Variants in MYH7 observed in about 807,000 individuals in gnomAD.
MYH7 encodes myosin-7.
Under a neutral mutation model 225.4 loss-of-function variants are expected in MYH7, and 129 were observed. That is an observed-to-expected ratio of 0.57 (90% CI 0.50 to 0.66). MYH7 has a LOEUF of 0.66. Among genes scored for constraint, MYH7 ranks in the 30% least tolerant of loss-of-function variants. The pLI, the probability that MYH7 is intolerant of heterozygous loss-of-function variation, is 0.00. For missense variants in MYH7, 1,649 were observed against 2,517.0 expected, an observed-to-expected ratio of 0.66 and a Z score of 7.38; for synonymous variants, 971 against 1,007.6, an observed-to-expected ratio of 0.96 and a Z score of 0.69.
chr14:23,415,142 G>C lies in MYH7; in HGVS notation c.5412C>G (p.Ala1804=), dbSNP rs147433856. Residue 1804 remains alanine, a synonymous_variant, in exon 37 of 40, where the codon GCC becomes GCG. Transcript: ENST00000355349. This position sits in a 1 kb window ranked among gnomAD's most constrained non-coding sequence, Gnocchi z 6.3. ...GCAGCTGCTTCTTGCCGCCCTTGAGGGCGATCTGCTCGGCTTCGTCCAGCC... is the reference window on the plus strand; with the variant it reads ...GCAGCTGCTTCTTGCCGCCCTTGAGCGCGATCTGCTCGGCTTCGTCCAGCC... ...QHRLDEAEQI[A]LKGGKKQLQK... 2.8e-5 allele frequency: 46 copies of C among 1,614,066 alleles called. No homozygotes were observed. The African/African-American group carries it at 5.9e-4, about 21-fold the overall frequency.
chr14:23,423,785 G>A, intron 23 of MYH7, 62 bp from the exon 24 acceptor site: 1 of 1,613,338 alleles, frequency 6.2e-7, no homozygotes, highest in Non-Finnish European at 8.5e-7. Context: ...GCCATCTGTG[G>A]GGAGCTCCAT....
Position 23,417,243 on chromosome 14 carries a change from G to T in MYH7, c.4429C>A (p.Leu1477Ile), listed in dbSNP as rs1892255625. Reference protein sequence around the residue: ...LESSQKEARSLSTELFKLKNA... With the variant: ...LESSQKEARSISTELFKLKNA... Reference sequence around the variant, plus strand: ...TTGAGTTTGAAGAGCTCTGTGCTGAGGGAGCGAGCCTCCTTCTGCGAGGAC... The same window carrying T: ...TTGAGTTTGAAGAGCTCTGTGCTGATGGAGCGAGCCTCCTTCTGCGAGGAC... The change falls in exon 32 of 40, where the codon CTC (leucine) becomes ATC (isoleucine). Residue 1477 changes from leucine (L) to isoleucine (I), a missense_variant. Transcript: ENST00000355349. The T allele has an allele frequency of 6.2e-7, 1 of 1,614,170 alleles. No individual in the cohort carries two copies. Among genetic ancestry groups the T allele is most frequent in the Non-Finnish European group, 8.5e-7 (1 of 1,180,028 alleles).
chr14:23,429,450 C>A (rs923644434), intron 12 of MYH7, 103 bp from the exon 13 acceptor site: 45 of 1,183,674 alleles, frequency 3.8e-5, no homozygotes, highest in Non-Finnish European at 5.3e-5. Flanking sequence ...CCAAGGCAGG[C>A]GGATCACTTG....
In MYH7 at chr14:23,419,231, G is replaced by A. The variant is rs144420313; in HGVS notation, c.3918C>T (p.Leu1306=). Residue 1306 remains leucine, a synonymous_variant, in exon 29 of 40, where the codon CTC becomes CTT. Coordinates refer to ENST00000355349, the MANE Select transcript of MYH7 (RefSeq NM_000257.4). ...GGTCCTCCAGCTGCTGGGTGTAGGT[G>A]AGCTTGCCTCGGGTCAGCTGGGAGA... The part of the protein sequence containing the change: ...ALISQLTRGK[L]TYTQQLEDLK... 225 of 1,614,184 alleles carry A rather than the reference G, an allele frequency of 1.4e-4. 5 individuals carry two copies. In the East Asian group the frequency reaches 3.7e-3, roughly 27 times the overall value.
chr14:23,419,112 G>A, intron 29 of MYH7, 65 bp downstream of exon 29: 1 of 1,321,554 alleles, frequency 7.6e-7, no homozygotes, highest in Non-Finnish European at 1.1e-6. Context: ...GAAGGGAAGT[G>A]ATTTGATGCA....
In MYH7 at chr14:23,413,890, C is replaced by T; in HGVS notation, c.5659G>A (p.Glu1887Lys). Reference sequence around the variant, plus strand: ...TTGGACAGGTTGGTGTTGGCTTGCTCCTCCTGCGGGAGGTGGGAGCATGAG... The same window carrying T: ...TTGGACAGGTTGGTGTTGGCTTGCTTCTCCTGCGGGAGGTGGGAGCATGAG... ...AYKRQAEEAE[E>K]QANTNLSKFR... The change falls in exon 39 of 40, where the codon GAG becomes AAG. Residue 1887 changes from glutamate to lysine, a missense_variant. Transcript: ENST00000355349. 6.2e-7 allele frequency: 1 copy of T among 1,614,242 alleles called. No homozygotes were observed. The highest frequency in any genetic ancestry group is 8.5e-7 in the Non-Finnish European group (1 of 1,180,050).
intron 39 of MYH7, 144 bp downstream of exon 39, chr14:23,413,615 A>G: frequency 1.8e-6 from 2 of 1,117,086 alleles, no homozygotes; most frequent in Non-Finnish European, 2.6e-6. Context: ...TTGAAATCAC[A>G]GAGAACTGCA....
chr14:23,413,102 A>AGCCAG (rs1245925261), intron 39 of MYH7, among the ~76,000 whole-genome samples: 3 of 152,180 alleles, frequency 2.0e-5, no homozygotes, highest in African/African-American at 4.8e-5. Flanking sequence ...GCGAGAACAA[A>AGCCAG]GCCAGGCCCG....
intron 17 of MYH7, 57 bp downstream of exon 17, chr14:23,427,183 G>T: frequency 6.4e-7 from 1 of 1,558,392 alleles, no homozygotes; most frequent in South Asian, 1.1e-5. Context: ...GAAGGGTGGG[G>T]CTGGGTGGGG....
intron 14 of MYH7, 92 bp from the exon 15 acceptor site, chr14:23,428,762 G>A: frequency 6.2e-7 from 1 of 1,600,308 alleles, no homozygotes. Context: ...GCCCAGCAGG[G>A]CGTGGCTGGT....
At chr14:23,418,148 G>A in intron 30 of MYH7, 62 bp downstream of exon 30, 2 of 1,611,058 alleles carry the variant, frequency 1.2e-6, no homozygotes, top group East Asian at 2.2e-5. Flanking sequence ...CTGAGGCTGG[G>A]GCTGGGCTGA....
Position 23,425,689 on chromosome 14 carries a change from C to T in MYH7, c.2286+6G>A. ...TTCCTTTAATTAATTAGTCTCCTTT[C>T]CTCACCTTGGTGTGGCCAAACTTGT... On this transcript the variant is annotated splice_donor_region_variant and intron_variant, in intron 20 of 39. Transcript: ENST00000355349. The surrounding 1 kb of genome is among the most constrained non-coding windows in gnomAD (Gnocchi z 4.6). The T allele has an allele frequency of 6.2e-7, 1 of 1,614,004 alleles. No homozygotes were observed. The highest frequency in any genetic ancestry group is 8.5e-7 in the Non-Finnish European group (1 of 1,179,854).
Position 23,415,918 on chromosome 14 carries a change from C to G in MYH7, c.4953+86G>C. 6.2e-7 allele frequency: 1 copy of G among 1,613,292 alleles called. No individual in the cohort carries two copies. Among genetic ancestry groups the G allele is most frequent in the East Asian group, 2.2e-5 (1 of 44,860 alleles). ...ACCTGTCAGAGGTCCCTGCAGTAAC[C>G]TAGGGGCAGGAGGAATCTGGTGCCT... On this transcript the variant is annotated intron_variant, in intron 34 of 39. Transcript: ENST00000355349. The surrounding 1 kb of genome is among the most constrained non-coding windows in gnomAD (Gnocchi z 6.3).
chr14:23,419,014 G>A (rs1892350558), intron 29 of MYH7, among the ~76,000 whole-genome samples, 163 bp downstream of exon 29: 2 of 152,242 alleles, frequency 1.3e-5, no homozygotes. Context: ...TCAGCCTGGG[G>A]AGTAGATGGC....
chr14:23,430,023 G>C, intron 11 of MYH7, 110 bp from the exon 12 acceptor site: 1 of 1,327,304 alleles, frequency 7.5e-7, no homozygotes, highest in African/African-American at 1.5e-5. Flanking sequence ...TGTGGGTTCT[G>C]AGACTCCCAT....
At chr14:23,434,816 C>T (rs941568826) in intron 1 of MYH7, among the ~76,000 whole-genome samples, 6 of 152,248 alleles carry the variant, frequency 3.9e-5, no homozygotes, top group Middle Eastern at 3.4e-3. Context: ...CTGTGGGCTT[C>T]CTCTCACAGA....
At chr14:23,427,214 G>A (rs1187088487) in intron 17 of MYH7, 26 bp downstream of exon 17, 15 of 1,612,514 alleles carry the variant, frequency 9.3e-6, no homozygotes, top group Middle Eastern at 2.0e-4. Context: ...GGGGAGCCAA[G>A]TTGGCTGGGG....
At chr14:23,431,136 A>G in intron 9 of MYH7, 137 bp from the exon 10 acceptor site, 1 of 739,598 alleles carries the variant, frequency 1.4e-6, no homozygotes, top group South Asian at 1.5e-5. Flanking sequence ...ACACAAAGAG[A>G]TCACACAGAG....
At chr14:23,428,821 A>C (rs1231510630) in intron 14 of MYH7, 134 bp downstream of exon 14, 7 of 1,572,202 alleles carry the variant, frequency 4.5e-6, no homozygotes, top group Non-Finnish European at 5.2e-6. Flanking sequence ...AAGACAGAGA[A>C]AATGACTGCC....
Sources: allele counts gnomAD v4.1 joint callset (sites outside exome capture counted in the v4.1 genomes callset), GRCh38; gene constraint gnomAD v4.1.1; non-coding constraint Gnocchi (gnomAD v3.1); transcripts MANE v1.5; gene names NCBI Gene and HGNC (gene_info 2026-07-23, HGNC 2026-07-21).